CPA6: variants seen among roughly 807,000 people sequenced by gnomAD.
CPA6 encodes carboxypeptidase A6, also known as carboxypeptidase B.
In CPA6, 58 loss-of-function variants were observed where a neutral mutation model predicts 63.3. That is an observed-to-expected ratio of 0.92 (90% CI 0.74 to 1.14). CPA6 has a LOEUF of 1.14. CPA6 is among the 50% of genes most tolerant of loss of function. The pLI, the probability that CPA6 is intolerant of heterozygous loss-of-function variation, is 0.00. For missense variants in CPA6, 565 were observed against 526.6 expected (o/e 1.07, Z -0.71); for synonymous variants, 185 against 179.0 (o/e 1.03, Z -0.27).
At chr8:67,443,508 T>C (rs1432917552) in intron 8 of CPA6, among the ~76,000 whole-genome samples, 3 of 152,220 alleles carry the variant, frequency 2.0e-5, no homozygotes, top group Non-Finnish European at 4.4e-5. Flanking sequence ...ATCACCACTT[T>C]ATTGAGATAT....
At chr8:67,515,346 C>T (rs1008546878) in intron 3 of CPA6, among the ~76,000 whole-genome samples, 5 of 152,144 alleles carry the variant, frequency 3.3e-5, no homozygotes, top group Admixed American at 2.6e-4. Flanking sequence ...TCCTTGTGCC[C>T]ACTGGAGTCT....
intron 1 of CPA6, among the ~76,000 whole-genome samples, chr8:67,737,035 C>G (rs1755182552): frequency 6.6e-6 from 1 of 152,188 alleles, no homozygotes; most frequent in Non-Finnish European, 1.5e-5. Flanking sequence ...CAGTCTTCAG[C>G]CCTCCAATCT....
chr8:67,661,541 C>T (rs1314006358), intron 1 of CPA6, among the ~76,000 whole-genome samples: 1 of 152,172 alleles, frequency 6.6e-6, no homozygotes, highest in African/African-American at 2.4e-5. Flanking sequence ...ACAGCAGGTT[C>T]CCTCAAAGCT....
chr8:67,612,116 G>A (rs949512130), intron 2 of CPA6, among the ~76,000 whole-genome samples: 4 of 152,144 alleles, frequency 2.6e-5, no homozygotes, highest in African/African-American at 9.7e-5. Flanking sequence ...CAAATTCATG[G>A]ACAAAATGAA....
chr8:67,631,043 C>T (rs188529965), intron 1 of CPA6, among the ~76,000 whole-genome samples: 550 of 152,338 alleles, frequency 3.6e-3, no homozygotes, highest in Non-Finnish European at 5.9e-3. Flanking sequence ...CCCCAACATG[C>T]GCGGCCCCCT....
chr8:67,678,157 G>T (rs1007270324), intron 1 of CPA6, among the ~76,000 whole-genome samples: 1 of 151,796 alleles, frequency 6.6e-6, no homozygotes, highest in Non-Finnish European at 1.5e-5. Context: ...GAGCCTGGGA[G>T]GCAGAGGTTG....
intron 3 of CPA6, among the ~76,000 whole-genome samples, chr8:67,513,965 A>ATT (rs397891508): frequency 4.1e-5 from 6 of 145,324 alleles, no homozygotes; most frequent in African/African-American, 5.0e-5. Context: ...AACATAGAAA[A>ATT]TTTTTTTTTT....
intron 1 of CPA6, among the ~76,000 whole-genome samples, chr8:67,700,275 C>A (rs1286876638): frequency 6.6e-6 from 1 of 152,144 alleles, no homozygotes; most frequent in South Asian, 2.1e-4. Flanking sequence ...AGTTGAATAG[C>A]ACACATTCTT....
At chr8:67,495,049 G>GTGT (rs2128962869) in intron 6 of CPA6, among the ~76,000 whole-genome samples, 1 of 152,222 alleles carries the variant, frequency 6.6e-6, no homozygotes, top group East Asian at 1.9e-4. Context: ...AGTATCCACG[G>GTGT]TGTCTTAACA....
chr8:67,448,656 G>GAAAAAAAAAAAAAA (rs1810485855), intron 8 of CPA6, among the ~76,000 whole-genome samples: 4 of 68,754 alleles, frequency 5.8e-5, no homozygotes, highest in African/African-American at 1.8e-4. Context: ...AAAAAAAAAG[G>GAAAAAAAAAAAAAA]AAAGAACGAA....
chr8:67,702,392 G>A (rs995683563), intron 1 of CPA6, among the ~76,000 whole-genome samples: 3 of 151,616 alleles, frequency 2.0e-5, no homozygotes, highest in Non-Finnish European at 4.4e-5. Context: ...TAGGTAGCTA[G>A]GCAGACATGA....
chr8:67,684,348 TC>T (rs1189157807), intron 1 of CPA6, among the ~76,000 whole-genome samples: 1 of 152,176 alleles, frequency 6.6e-6, no homozygotes, highest in Admixed American at 6.5e-5. Context: ...ATAGTCATTA[TC>T]TATCCTGTCC....
At chr8:67,525,582 CTGAA>C (rs1812343610) in intron 2 of CPA6, among the ~76,000 whole-genome samples, 1 of 152,196 alleles carries the variant, frequency 6.6e-6, no homozygotes. Flanking sequence ...CTCTTCAAGG[CTGAA>C]TGCTGATTGC....
intron 2 of CPA6, among the ~76,000 whole-genome samples, chr8:67,610,773 T>G (rs1305023002): frequency 6.6e-6 from 1 of 152,180 alleles, no homozygotes; most frequent in Non-Finnish European, 1.5e-5. Flanking sequence ...AAAAACCTTT[T>G]TTTTTGAGCT....
chr8:67,430,171 G>GTATA (rs1186366549), intron 9 of CPA6, among the ~76,000 whole-genome samples: 20 of 104,884 alleles, frequency 1.9e-4, no homozygotes, highest in African/African-American at 8.0e-4. Context: ...GTGTGTGTGT[G>GTATA]TATATATTTT....
At chr8:67,743,085 G>A (rs940346716) in intron 1 of CPA6, among the ~76,000 whole-genome samples, 3 of 152,102 alleles carry the variant, frequency 2.0e-5, no homozygotes, top group Non-Finnish European at 2.9e-5. Context: ...ACTTACTGAC[G>A]GACATTTATT....
chr8:67,606,298 T>A (rs1036262497), intron 2 of CPA6, among the ~76,000 whole-genome samples: 1 of 151,972 alleles, frequency 6.6e-6, no homozygotes, highest in Non-Finnish European at 1.5e-5. Flanking sequence ...AACCTGCACA[T>A]TGTGCACATG....
chr8:67,625,941 T>C (rs889355012), intron 1 of CPA6, among the ~76,000 whole-genome samples: 26 of 152,146 alleles, frequency 1.7e-4, no homozygotes, highest in Non-Finnish European at 2.1e-4. Flanking sequence ...AGGTGATTGG[T>C]TCATGGGGGC....
chr8:67,533,083 T>C (rs536490796), intron 2 of CPA6, among the ~76,000 whole-genome samples: 42 of 152,330 alleles, frequency 2.8e-4, no homozygotes, highest in African/African-American at 9.6e-4. Context: ...AATAAAATCG[T>C]CCTTTGTTAC....
Sources: allele counts gnomAD v4.1 joint callset (sites outside exome capture counted in the v4.1 genomes callset), GRCh38; gene constraint gnomAD v4.1.1; transcripts MANE v1.5; gene names NCBI Gene and HGNC (gene_info 2026-07-23, HGNC 2026-07-21).